The following UBASH3B variants were observed in gnomAD, a reference collection of about 807,000 sequenced individuals.
UBASH3B encodes the protein ubiquitin-associated and SH3 domain-containing protein B.
Under a neutral mutation model 83.4 loss-of-function variants are expected in UBASH3B, and 37 were observed. That is an observed-to-expected ratio of 0.44 (90% CI 0.34 to 0.58). The LOEUF is 0.58. UBASH3B is among the 20% of genes least tolerant of loss of function. UBASH3B has a pLI of 0.01. For missense variants in UBASH3B, 657 were observed against 827.2 expected (o/e 0.79, Z 2.52); for synonymous variants, 304 against 318.3 (o/e 0.96, Z 0.48).
In UBASH3B at chr11:122,683,105, G is replaced by A. The variant is rs142397534; in HGVS notation, c.161+26895G>A. On this transcript the variant is annotated intron_variant, in intron 1 of 13. Transcript: ENST00000284273. The stretch of plus-strand genomic sequence containing the variant: ...ATCTCTACAAAAAATAAGTTACCCA[G>A]GCGCATGGTGGTGCATGCCTGTAGT... Among the ~76,000 whole-genome samples, 160 of 152,114 alleles carry A rather than the reference G, an allele frequency of 1.1e-3. 1 individual carries two copies. The highest frequency in any genetic ancestry group is 3.8e-3 in the African/African-American group (156 of 41,510).
chr11:122,712,096 A>G (rs1326880961), intron 1 of UBASH3B, among the ~76,000 whole-genome samples: 1 of 151,714 alleles, frequency 6.6e-6, no homozygotes, highest in African/African-American at 2.4e-5. Context: ...CACTAGGGGG[A>G]AAAAACTTCT....
intron 1 of UBASH3B, among the ~76,000 whole-genome samples, chr11:122,714,670 A>C (rs1197773644): frequency 6.6e-6 from 1 of 152,180 alleles, no homozygotes; most frequent in Non-Finnish European, 1.5e-5. Context: ...AAAACTGAAG[A>C]TACTGATGGT....
At chr11:122,767,288 T>C (rs1472063443) in intron 1 of UBASH3B, among the ~76,000 whole-genome samples, 1 of 122,096 alleles carries the variant, frequency 8.2e-6, no homozygotes, top group Admixed American at 8.8e-5. Flanking sequence ...AAAAGTAATC[T>C]CTGATAGTAA....
At position 122,811,454 on chromosome 11, in the gene UBASH3B, G is replaced by A. The variant is rs1861447394; in HGVS notation, c.*1568G>A. On this transcript the variant is annotated 3_prime_UTR_variant, in exon 14 of 14. Transcript: ENST00000284273. ...TAGAAAGAAGAGGACATGAAAGGAT[G>A]CTGGCTATATATGTTAATGAGCAAA... 1 of 152,142 alleles carries A rather than the reference G, an allele frequency of 6.6e-6. No individual in the cohort carries two copies. The allele number at this position is 152,142 out of a possible 1,614,324, so 9.4% of individuals were successfully genotyped here. A position where few individuals can be genotyped will look rare whatever the true frequency, so the allele number is the denominator to read the frequency against.
At chr11:122,737,867 G>A (rs1350916885) in intron 1 of UBASH3B, among the ~76,000 whole-genome samples, 1 of 152,154 alleles carries the variant, frequency 6.6e-6, no homozygotes, top group Non-Finnish European at 1.5e-5. Context: ...GAAGCTGGAG[G>A]TATGGCCCAG....
At chr11:122,740,029 A>T (rs1289233356) in intron 1 of UBASH3B, among the ~76,000 whole-genome samples, 1 of 152,218 alleles carries the variant, frequency 6.6e-6, no homozygotes, top group Non-Finnish European at 1.5e-5. Flanking sequence ...TATGTTCCAT[A>T]CGTCCTGACA....
chr11:122,706,241 A>T (rs1040677943), intron 1 of UBASH3B, among the ~76,000 whole-genome samples: 2 of 150,840 alleles, frequency 1.3e-5, no homozygotes, highest in African/African-American at 4.9e-5. Context: ...TCAGCCTCCC[A>T]AGTAGCTGGG....
chr11:122,786,998 C>T (rs967092897), intron 5 of UBASH3B, among the ~76,000 whole-genome samples: 3 of 151,996 alleles, frequency 2.0e-5, no homozygotes, highest in Admixed American at 6.6e-5. Flanking sequence ...CGCTCCCCCC[C>T]CACCGCCCCA....
intron 1 of UBASH3B, among the ~76,000 whole-genome samples, chr11:122,678,712 AAG>A (rs1231235696): frequency 6.6e-6 from 1 of 152,174 alleles, no homozygotes; most frequent in Non-Finnish European, 1.5e-5. Flanking sequence ...AAAATCTCTT[AAG>A]AGTTTCAGAC....
At chr11:122,773,092 T>C (rs1860674485) in intron 1 of UBASH3B, among the ~76,000 whole-genome samples, 1 of 152,194 alleles carries the variant, frequency 6.6e-6, no homozygotes, top group Admixed American at 6.5e-5. Flanking sequence ...AGTGTCTGAG[T>C]AAACTCTCTG....
intron 1 of UBASH3B, among the ~76,000 whole-genome samples, chr11:122,692,164 A>C (rs1169940680): frequency 1.3e-5 from 2 of 152,152 alleles, no homozygotes; most frequent in Non-Finnish European, 2.9e-5. Flanking sequence ...GGGATAATTA[A>C]ATTAGATAAT....
At chr11:122,782,910 G>A (rs1488852655) in intron 4 of UBASH3B, 143 bp from the exon 5 acceptor site, 15 of 986,262 alleles carry the variant, frequency 1.5e-5, no homozygotes, top group Middle Eastern at 4.5e-4. Context: ...TTCTACTGCT[G>A]TGAAGGAGAG....
At chr11:122,729,931 ATCATGCCTGCACT>A (rs1358646656) in intron 1 of UBASH3B, among the ~76,000 whole-genome samples, 1 of 131,522 alleles carries the variant, frequency 7.6e-6, no homozygotes, top group African/African-American at 2.9e-5. Flanking sequence ...GTGAGCCATG[ATCATGCCTGCACT>A]CCAGCCTGGG....
intron 1 of UBASH3B, among the ~76,000 whole-genome samples, chr11:122,756,275 G>A (rs1032482723): frequency 3.9e-5 from 6 of 152,242 alleles, no homozygotes; most frequent in African/African-American, 1.4e-4. Flanking sequence ...ATTAGAGCCA[G>A]TAACTGGATT....
At chr11:122,699,573 C>CTTTCT (rs1565533670) in intron 1 of UBASH3B, among the ~76,000 whole-genome samples, 2 of 86,190 alleles carry the variant, frequency 2.3e-5, no homozygotes, top group East Asian at 6.7e-4. Flanking sequence ...TTCTTTCTTT[C>CTTTCT]TTTTCTTTCT....
chr11:122,730,725 A>G (rs1409628825), intron 1 of UBASH3B, among the ~76,000 whole-genome samples: 2 of 151,344 alleles, frequency 1.3e-5, no homozygotes, highest in Admixed American at 6.6e-5. Context: ...CCTCCCTAGT[A>G]GCTGGGATTA....
chr11:122,665,670 G>T (rs549047033), intron 1 of UBASH3B, among the ~76,000 whole-genome samples: 1 of 152,326 alleles, frequency 6.6e-6, no homozygotes, highest in Non-Finnish European at 1.5e-5. Context: ...ATATTTTAGA[G>T]AGTAAATAAA....
At chr11:122,793,696 T>G (rs984697490) in intron 6 of UBASH3B, among the ~76,000 whole-genome samples, 3 of 152,262 alleles carry the variant, frequency 2.0e-5, no homozygotes, top group African/African-American at 7.2e-5. Context: ...AGGTTTTGAC[T>G]GTCTTCCTTT....
intron 4 of UBASH3B, among the ~76,000 whole-genome samples, chr11:122,781,634 G>T (rs1860857038): frequency 6.6e-6 from 1 of 152,234 alleles, no homozygotes; most frequent in African/African-American, 2.4e-5. Context: ...ACCCTGCGCA[G>T]CTTAGCTGGT....
Sources: gnomAD v4.1 joint callset for allele counts (sites outside exome capture counted in the v4.1 genomes callset) on GRCh38, gnomAD v4.1.1 for gene constraint, MANE v1.5 for transcripts, NCBI Gene and HGNC (gene_info 2026-07-23, HGNC 2026-07-21) for gene names.